Variants in TNRC18 observed in about 807,000 individuals in gnomAD.
TNRC18 encodes the protein trinucleotide repeat containing 18.
In TNRC18, 69 loss-of-function variants were observed where a neutral mutation model predicts 226.7. That is an observed-to-expected ratio of 0.30 (90% CI 0.25 to 0.37). TNRC18 has a LOEUF of 0.37. Ranked by LOEUF, TNRC18 falls within the 10% of genes least tolerant of loss-of-function variation. TNRC18 has a pLI of 1.00. For missense variants in TNRC18, 4,754 were observed against 4,256.6 expected, an observed-to-expected ratio of 1.12 and a Z score of -3.25; for synonymous variants, 2,449 against 1,927.6, an observed-to-expected ratio of 1.27 and a Z score of -7.09.
At position 5,376,963 on chromosome 7, in the gene TNRC18, A is replaced by C. The variant is rs1321401208; in HGVS notation, c.2492T>G (p.Met831Arg). 10 of 1,588,190 alleles carry C rather than the reference A, an allele frequency of 6.3e-6. No homozygotes were observed. Among genetic ancestry groups the C allele is most frequent in the Non-Finnish European group, 8.6e-6 (10 of 1,167,578 alleles). Residue 831 changes from methionine to arginine, a missense_variant, in exon 8 of 30, where the codon ATG becomes AGG. Met to Arg is a moderately conservative substitution (Grantham distance 91, BLOSUM62 -1). Coordinates refer to ENST00000430969, the MANE Select transcript of TNRC18 (RefSeq NM_001080495.3). ...CAGGCCAGGTGGGAACGCAGGGGCCATGCCCTGGTGCAGAGATGGGGGACC... is the reference window on the plus strand; with the variant it reads ...CAGGCCAGGTGGGAACGCAGGGGCCCTGCCCTGGTGCAGAGATGGGGGACC... ...GLGPPSLHQGMAPAFPPGLGG... is the reference protein window; with the variant it reads ...GLGPPSLHQGRAPAFPPGLGG...
chr7:5,346,408 A>T (rs1791202220), intron 17 of TNRC18, among the ~76,000 whole-genome samples: 1 of 152,174 alleles, frequency 6.6e-6, no homozygotes, highest in Non-Finnish European at 1.5e-5. Flanking sequence ...GACTCCTGGC[A>T]TCGCTTGAAC....
In TNRC18 at chr7:5,307,606, C is replaced by G. The variant is rs766580299; in HGVS notation, c.*500G>C. 6.3e-5 allele frequency: 28 copies of G among 444,332 alleles called. No individual in the cohort carries two copies. Among genetic ancestry groups the G allele is most frequent in the Admixed American group, 7.2e-5 (3 of 41,574 alleles). 27.5% of individuals were successfully genotyped at this position (444,332 alleles called of 1,614,324 possible). A position where few individuals can be genotyped will look rare whatever the true frequency, so the allele number is the denominator to read the frequency against. ...AGGGCCCCTGGCACAGTCAGGTAGG[C>G]CAGCTGGCATCGGGCTGCCCTGTCC... On this transcript the variant is annotated 3_prime_UTR_variant, in exon 30 of 30. Transcript: ENST00000430969.
chr7:5,377,643 G>A lies in TNRC18; in HGVS notation c.2256-67C>T, dbSNP rs1444890125. 2.7e-6 allele frequency: 4 copies of A among 1,484,770 alleles called. No individual in the cohort carries two copies. In the Admixed American group the frequency reaches 6.3e-5, roughly 23 times the overall value. 92.0% of individuals were successfully genotyped at this position (1,484,770 alleles called of 1,614,324 possible). A position where few individuals can be genotyped will look rare whatever the true frequency, so the allele number is the denominator to read the frequency against. On this transcript the variant is annotated intron_variant, in intron 6 of 29. Transcript: ENST00000430969. The surrounding 1 kb of genome is among the most constrained non-coding windows in gnomAD (Gnocchi z 5.8). ...CCAGGGGACGAGAGGGAGAAGCGGG[G>A]TTGCCCCAAGGAACTGTTTGCCACC...
chr7:5,386,811 C>T (rs868543491), intron 5 of TNRC18, among the ~76,000 whole-genome samples: 1 of 152,106 alleles, frequency 6.6e-6, no homozygotes, highest in Admixed American at 6.6e-5. Context: ...CAGTGACTCA[C>T]GCCTGTAATG....
rs1444908189 is a variant in TNRC18 at position 5,315,103 on chromosome 7, C to T, written c.6908G>A (p.Arg2303His). The T allele has an allele frequency of 4.3e-6, 7 of 1,612,828 alleles. No individual in the cohort carries two copies. Among genetic ancestry groups the T allele is most frequent in the East Asian group, 2.2e-5 (1 of 44,874 alleles). The change falls in exon 26 of 30, where the codon CGC becomes CAC. Residue 2303 changes from arginine (R) to histidine (H), a missense_variant. Coordinates refer to ENST00000430969, the MANE Select transcript of TNRC18 (RefSeq NM_001080495.3). ...AGTGTCTTTGCTGGTCTTCCGGCTG[C>T]GGCGCTTGGCACTTGGCACCAGAAG... ...PALLVPSAKR[R>H]SRKTSKDTGE...
chr7:5,417,785 C>G (rs1782283802), intron 2 of TNRC18, among the ~76,000 whole-genome samples: 2 of 152,182 alleles, frequency 1.3e-5, no homozygotes, highest in South Asian at 4.1e-4. Context: ...CGCCTCTAAC[C>G]AGAGAAAGAA....
intron 17 of TNRC18, among the ~76,000 whole-genome samples, chr7:5,349,811 C>T (rs1011184849): frequency 3.9e-5 from 6 of 152,322 alleles, no homozygotes; most frequent in Middle Eastern, 6.8e-3. Context: ...AAGCCAGTTA[C>T]GGAGTTTAGT....
chr7:5,405,358 C>T (rs1456738799), intron 2 of TNRC18, among the ~76,000 whole-genome samples: 1 of 152,142 alleles, frequency 6.6e-6, no homozygotes, highest in Admixed American at 6.6e-5. Flanking sequence ...CACTTGAGGT[C>T]AGGAGTTTGA....
At chr7:5,368,468 G>T (rs913051333) in intron 11 of TNRC18, among the ~76,000 whole-genome samples, 24 of 152,068 alleles carry the variant, frequency 1.6e-4, no homozygotes, top group African/African-American at 5.3e-4. Flanking sequence ...TACGAGACCA[G>T]CCTGGCCAAC....
chr7:5,309,380 CGT>C lies in TNRC18; in HGVS notation c.8389-14_8389-13del, dbSNP rs1786949715. The C allele has an allele frequency of 6.3e-7, 1 of 1,597,754 alleles. No individual in the cohort carries two copies. Among genetic ancestry groups the C allele is most frequent in the African/African-American group, 1.3e-5 (1 of 74,766 alleles). Reference sequence around the variant, plus strand: ...TTCATGCCACGCCGCTGCAAGGACACGTGTGTCACGGCACAGGCCCTGGCCCA... The same window carrying C: ...TTCATGCCACGCCGCTGCAAGGACACGTGTCACGGCACAGGCCCTGGCCCA... On this transcript the variant is annotated splice_polypyrimidine_tract_variant and intron_variant, in intron 27 of 29. Coordinates refer to ENST00000430969, the MANE Select transcript of TNRC18 (RefSeq NM_001080495.3). The surrounding 1 kb of genome is among the most constrained non-coding windows in gnomAD (Gnocchi z 5.7).
intron 5 of TNRC18, among the ~76,000 whole-genome samples, chr7:5,378,494 C>A (rs973975238): frequency 1.3e-5 from 2 of 151,666 alleles, no homozygotes; most frequent in Non-Finnish European, 2.9e-5. Flanking sequence ...TCTCGGCTCA[C>A]TGCAAGCTCC....
At chr7:5,368,310 TA>T (rs11459979) in intron 11 of TNRC18, among the ~76,000 whole-genome samples, 267 of 141,152 alleles carry the variant, frequency 1.9e-3, no homozygotes, top group Middle Eastern at 3.8e-3. Flanking sequence ...CTACTTTTTG[TA>T]AAAAAAAAAA....
At chr7:5,349,347 C>T (rs1038069132) in intron 17 of TNRC18, among the ~76,000 whole-genome samples, 3 of 152,078 alleles carry the variant, frequency 2.0e-5, no homozygotes, top group African/African-American at 2.4e-5. Context: ...TGCAGCTTGC[C>T]GAGGGCTGGG....
chr7:5,335,146 T>C (rs10249249), intron 18 of TNRC18, among the ~76,000 whole-genome samples: 83,431 of 150,340 alleles, frequency 0.55, 23,865 homozygotes, highest in East Asian at 0.74. Flanking sequence ...CTGCTAAAAA[T>C]ACAAAAATTA....
At chr7:5,325,511 C>T (rs1038067708) in intron 19 of TNRC18, 3 of 393,956 alleles carry the variant, frequency 7.6e-6, no homozygotes, top group South Asian at 2.6e-5. Flanking sequence ...GCAAGCTCTG[C>T]CTCCCGGGTT....
intron 19 of TNRC18, among the ~76,000 whole-genome samples, chr7:5,327,848 C>A (rs1406154430): frequency 6.6e-6 from 1 of 152,158 alleles, no homozygotes; most frequent in African/African-American, 2.4e-5. Flanking sequence ...CAGCAAAACA[C>A]CATCACCACC....
rs746171243 is a variant in TNRC18, at chr7:5,313,739, G to C, written c.7152C>G (p.Ala2384=). Residue 2384 remains alanine, a synonymous_variant, in exon 27 of 30, where the codon GCC becomes GCG. Transcript: ENST00000430969. ...GTGCCGGGCGCGCCTTGGGGGCCTT[G>C]GCTCGCTTGTCCACAGGCTCTGGGG... The part of the protein sequence containing the change: ...KSPPEPVDKR[A]KAPKARPAPP... 2.5e-6 allele frequency: 4 copies of C among 1,573,356 alleles called. No individual in the cohort carries two copies. The highest frequency in any genetic ancestry group is 3.4e-6 in the Non-Finnish European group (4 of 1,159,920).
Position 5,421,191 on chromosome 7 carries a change from A to G in TNRC18, c.56T>C (p.Leu19Pro), listed in dbSNP as rs2128226162. 5 of 1,381,702 alleles carry G rather than the reference A, an allele frequency of 3.6e-6. No homozygotes were observed. In the South Asian group the frequency reaches 8.8e-5, roughly 24 times the overall value. 85.6% of individuals were successfully genotyped at this position (1,381,702 alleles called of 1,614,324 possible). Reference protein sequence around the residue: ...QRSVHGPPPPLLSGLAMDSHR... With the variant: ...QRSVHGPPPPPLSGLAMDSHR... Reference sequence around the variant, plus strand: ...GCTGTCCATGGCCAGGCCGGACAGCAGCGGCGGCGGGGGACCGTGCACGGA... The same window carrying G: ...GCTGTCCATGGCCAGGCCGGACAGCGGCGGCGGCGGGGGACCGTGCACGGA... Residue 19 changes from leucine (L) to proline (P), a missense_variant, in exon 2 of 30, where the codon CTG (leucine) becomes CCG (proline). Physicochemically the swap from Leu to Pro is moderately conservative, Grantham distance 98. Coordinates refer to ENST00000430969, the MANE Select transcript of TNRC18 (RefSeq NM_001080495.3).
chr7:5,324,946 G>A lies in TNRC18; in HGVS notation c.6300+150C>T. The stretch of plus-strand genomic sequence containing the variant: ...TATCTCCTTATCCCTGGAGTGTGGG[G>A]ACGGCCACATCACCCTCGTCACCCG... On this transcript the variant is annotated intron_variant, in intron 20 of 29. Transcript: ENST00000430969. The surrounding 1 kb of genome is among the most constrained non-coding windows in gnomAD (Gnocchi z 4.8). The A allele has an allele frequency of 1.2e-6, 1 of 850,452 alleles. No homozygotes were observed. Among genetic ancestry groups the A allele is most frequent in the Non-Finnish European group, 1.8e-6 (1 of 568,056 alleles). The allele number at this position is 850,452 out of a possible 1,614,324, so 52.7% of individuals were successfully genotyped here. A position where few individuals can be genotyped will look rare whatever the true frequency, so the allele number is the denominator to read the frequency against.
Sources: gnomAD v4.1 joint callset for allele counts (sites outside exome capture counted in the v4.1 genomes callset) on GRCh38, gnomAD v4.1.1 for gene constraint, Gnocchi (gnomAD v3.1) non-coding constraint, MANE v1.5 for transcripts, NCBI Gene and HGNC (gene_info 2026-07-23, HGNC 2026-07-21) for gene names.